RIT2: variants seen among roughly 807,000 people sequenced by gnomAD.
The protein encoded by RIT2 is Ras like without CAAX 2.
RIT2 carries 24 observed loss-of-function variants against 23.7 expected under a neutral mutation model. The ratio of observed to expected loss-of-function variants is 1.01; its 90% confidence interval spans 0.73 to 1.43. RIT2 has a LOEUF of 1.43. RIT2 is among the 40% of genes most tolerant of loss of function. The probability of loss-of-function intolerance (pLI) is 0.00; values close to 1 mark genes in which losing one functional copy is unlikely to be tolerated. For missense variants in RIT2, 236 were observed against 266.9 expected (o/e 0.88, Z 0.81); for synonymous variants, 107 against 91.1 (o/e 1.17, Z -0.99).
At chr18:42,943,923 T>C (rs1243574281) in intron 3 of RIT2, among the ~76,000 whole-genome samples, 1 of 152,162 alleles carries the variant, frequency 6.6e-6, no homozygotes, top group African/African-American at 2.4e-5. Context: ...AGAATCCAAC[T>C]ACTTTTTTCT....
intron 4 of RIT2, among the ~76,000 whole-genome samples, chr18:42,848,318 C>A (rs2144032964): frequency 6.6e-6 from 1 of 152,266 alleles, no homozygotes; most frequent in Non-Finnish European, 1.5e-5. Flanking sequence ...GGCTCACAGA[C>A]TTAAAAGGAC....
At chr18:42,774,869 C>T (rs886437569) in intron 4 of RIT2, among the ~76,000 whole-genome samples, 1 of 151,924 alleles carries the variant, frequency 6.6e-6, no homozygotes, top group Non-Finnish European at 1.5e-5. Context: ...ACGACCATGA[C>T]CACATATATG....
chr18:43,042,921 A>G (rs1233025312), intron 1 of RIT2, among the ~76,000 whole-genome samples: 1 of 152,168 alleles, frequency 6.6e-6, no homozygotes, highest in Admixed American at 6.6e-5. Context: ...TATGACAATT[A>G]GATAAATACA....
At chr18:42,961,517 C>T (rs956139517) in intron 3 of RIT2, among the ~76,000 whole-genome samples, 2 of 152,192 alleles carry the variant, frequency 1.3e-5, no homozygotes, top group African/African-American at 4.8e-5. Flanking sequence ...CTGGCTTTCA[C>T]TCGTAACCAC....
chr18:42,802,244 TGA>T (rs1192593708), intron 4 of RIT2, among the ~76,000 whole-genome samples: 2 of 152,164 alleles, frequency 1.3e-5, no homozygotes, highest in African/African-American at 4.8e-5. Flanking sequence ...CCAAGATGCT[TGA>T]GATTTTTATC....
At chr18:42,887,241 T>TA (rs1908046040) in intron 4 of RIT2, among the ~76,000 whole-genome samples, 1 of 152,148 alleles carries the variant, frequency 6.6e-6, no homozygotes, top group Admixed American at 6.6e-5. Context: ...AGTAAGTAAT[T>TA]AATAAATATC....
intron 4 of RIT2, among the ~76,000 whole-genome samples, chr18:42,840,035 T>C (rs930818087): frequency 6.6e-6 from 1 of 152,202 alleles, no homozygotes; most frequent in African/African-American, 2.4e-5. Flanking sequence ...CCAAAAAAGG[T>C]TGAATGTACA....
At position 42,943,853 on chromosome 18, in the gene RIT2, C is replaced by T. The variant is rs1006005551; in HGVS notation, c.235-20090G>A. ...TATGGAGTTATCCTTCTCTTTTATT[C>T]CCACACCTCACATTGAATCTATTAG... On this transcript the variant is annotated intron_variant, in intron 3 of 4. Transcript: ENST00000326695. Among the ~76,000 whole-genome samples, 9 of 152,234 alleles carry T rather than the reference C, an allele frequency of 5.9e-5. No individual in the cohort carries two copies. The South Asian group carries it at 6.2e-4, about 11-fold the overall frequency.
At chr18:42,844,394 T>C (rs943102950) in intron 4 of RIT2, among the ~76,000 whole-genome samples, 1 of 152,138 alleles carries the variant, frequency 6.6e-6, no homozygotes, top group African/African-American at 2.4e-5. Flanking sequence ...CCAAGAAGAA[T>C]GAGGTCACAT....
At chr18:42,769,843 T>TGTAATA in intron 4 of RIT2, among the ~76,000 whole-genome samples, 2 of 141,478 alleles carry the variant, frequency 1.4e-5, no homozygotes, top group Non-Finnish European at 3.1e-5. Flanking sequence ...AAACTTAAAG[T>TGTAATA]ATAATAATAA....
intron 2 of RIT2, among the ~76,000 whole-genome samples, chr18:42,993,342 G>C (rs1050289631): frequency 3.9e-5 from 6 of 152,174 alleles, no homozygotes; most frequent in African/African-American, 1.4e-4. Flanking sequence ...CAGCTTAGTG[G>C]CTGAAGACTG....
chr18:42,972,083 AT>A (rs766996296), intron 3 of RIT2, among the ~76,000 whole-genome samples: 103 of 151,886 alleles, frequency 6.8e-4, no homozygotes, highest in South Asian at 3.3e-3. Context: ...CAGAGCAGCC[AT>A]TTTTTTTATT....
At chr18:42,967,392 CAG>C (rs1380925004) in intron 3 of RIT2, among the ~76,000 whole-genome samples, 2 of 151,964 alleles carry the variant, frequency 1.3e-5, no homozygotes, top group African/African-American at 2.4e-5. Flanking sequence ...TGTTTTGAGA[CAG>C]AGTCTCGCTC....
At chr18:42,966,988 T>C (rs1377184206) in intron 3 of RIT2, among the ~76,000 whole-genome samples, 1 of 152,154 alleles carries the variant, frequency 6.6e-6, no homozygotes, top group Non-Finnish European at 1.5e-5. Context: ...CCAAATGGAA[T>C]GCAATATTGT....
intron 4 of RIT2, among the ~76,000 whole-genome samples, chr18:42,915,906 GTAT>G (rs994297910): frequency 4.0e-5 from 6 of 151,442 alleles, no homozygotes; most frequent in Admixed American, 2.6e-4. Flanking sequence ...ATATACACAT[GTAT>G]TATTATGTAT....
chr18:42,895,288 C>T (rs1399289090), intron 4 of RIT2, among the ~76,000 whole-genome samples: 1 of 151,960 alleles, frequency 6.6e-6, no homozygotes, highest in Non-Finnish European at 1.5e-5. Flanking sequence ...TAGTCATTAC[C>T]AATTAAAGAT....
chr18:42,930,506 G>A (rs1014479863), intron 3 of RIT2, among the ~76,000 whole-genome samples: 1 of 152,008 alleles, frequency 6.6e-6, no homozygotes, highest in Non-Finnish European at 1.5e-5. Flanking sequence ...TAGAAAATCA[G>A]AGACACATTG....
intron 2 of RIT2, among the ~76,000 whole-genome samples, chr18:42,994,671 G>A (rs540853987): frequency 2.6e-5 from 4 of 152,168 alleles, no homozygotes; most frequent in South Asian, 2.1e-4. Context: ...CCGGGATCGC[G>A]TCCTGTAGCC....
At chr18:42,848,958 C>T (rs1287343401) in intron 4 of RIT2, among the ~76,000 whole-genome samples, 2 of 152,116 alleles carry the variant, frequency 1.3e-5, no homozygotes, top group African/African-American at 4.8e-5. Context: ...TCCACTTGTA[C>T]TTATGAAACT....
Sources: gnomAD v4.1 joint callset for allele counts (sites outside exome capture counted in the v4.1 genomes callset) on GRCh38, gnomAD v4.1.1 for gene constraint, MANE v1.5 for transcripts, NCBI Gene and HGNC (gene_info 2026-07-23, HGNC 2026-07-21) for gene names.